TENM3: variants seen among roughly 807,000 people sequenced by gnomAD.
TENM3 encodes the protein teneurin-3.
Under a neutral mutation model 255.1 loss-of-function variants are expected in TENM3, and 63 were observed. The observed-to-expected ratio is 0.25, with a 90% CI of 0.20 to 0.30. TENM3 has a LOEUF of 0.30. TENM3 is among the 10% of genes least tolerant of loss of function. The pLI, the probability that TENM3 is intolerant of heterozygous loss-of-function variation, is 1.00. For missense variants in TENM3, 2,929 were observed against 3,461.1 expected (o/e 0.85, Z 3.86); for synonymous variants, 1,306 against 1,322.3 (o/e 0.99, Z 0.27).
rs115868803 is a variant in TENM3, at chr4:182,272,626, C to T, written c.-76+29150C>T. Among the ~76,000 whole-genome samples the T allele has an allele frequency of 8.9e-3, 1,358 of 152,306 alleles. 15 individuals are homozygous for T. The highest frequency in any genetic ancestry group is 0.029 in the African/African-American group (1,204 of 41,560). Reference sequence around the variant, plus strand: ...GGAAGTCCTTCATGCCAACACGACACTCAAGTAATGGTTACTAGTCATAAT... The same window carrying T: ...GGAAGTCCTTCATGCCAACACGACATTCAAGTAATGGTTACTAGTCATAAT... On this transcript the variant is annotated intron_variant, in intron 1 of 27. Coordinates refer to ENST00000511685, the MANE Select transcript of TENM3 (RefSeq NM_001080477.4).
chr4:181,549,359 A>T, the TENM3 span, among the ~76,000 whole-genome samples: 2 of 152,162 alleles, frequency 1.3e-5, no homozygotes, highest in Non-Finnish European at 2.9e-5. Context: ...ACATGCAATC[A>T]TGCCATTTTA....
the TENM3 span, among the ~76,000 whole-genome samples, chr4:181,487,956 A>G: frequency 6.6e-6 from 1 of 152,062 alleles, no homozygotes; most frequent in Non-Finnish European, 1.5e-5. Flanking sequence ...GGTAATAATG[A>G]CTCCTGAAAG....
At chr4:181,782,811 G>C in the TENM3 span, among the ~76,000 whole-genome samples, 1 of 152,082 alleles carries the variant, frequency 6.6e-6, no homozygotes, top group Non-Finnish European at 1.5e-5. Flanking sequence ...AGAGATTCTG[G>C]TGTGTTGTGT....
At chr4:181,688,065 A>C in the TENM3 span, among the ~76,000 whole-genome samples, 1 of 152,194 alleles carries the variant, frequency 6.6e-6, no homozygotes. Flanking sequence ...TTACTCACAG[A>C]AAGTGGAACA....
At chr4:182,242,481 C>T (rs1757345760), upstream of TENM3, among the ~76,000 whole-genome samples, 1 of 152,112 alleles carries the variant, frequency 6.6e-6, no homozygotes, top group Admixed American at 6.5e-5. Flanking sequence ...TTCTTGGTGG[C>T]CCAGCACGGT....
chr4:182,396,315 A>C (rs1017875232), intron 3 of TENM3, among the ~76,000 whole-genome samples: 1 of 152,238 alleles, frequency 6.6e-6, no homozygotes, highest in African/African-American at 2.4e-5. Context: ...CAGTATAAAA[A>C]AGAATGCAGG....
At chr4:182,109,130 C>A in the TENM3 span, among the ~76,000 whole-genome samples, 1 of 144,282 alleles carries the variant, frequency 6.9e-6, no homozygotes, top group African/African-American at 2.5e-5. Flanking sequence ...TTAGGTTGAT[C>A]CAGATGTTGT....
At chr4:182,228,378 G>GTATATATATATATA (rs1756332313) in intron 1 of TENM3, among the ~76,000 whole-genome samples, 3 of 93,430 alleles carry the variant, frequency 3.2e-5, no homozygotes, top group African/African-American at 1.4e-4. Flanking sequence ...GTGTGTGTGT[G>GTATATATATATATA]TGTGTGTGTG....
the TENM3 span, among the ~76,000 whole-genome samples, chr4:182,126,647 C>T: frequency 6.6e-5 from 10 of 152,186 alleles, no homozygotes; most frequent in African/African-American, 2.4e-4. Flanking sequence ...TGATCCTGCC[C>T]TATATGCACA....
At chr4:181,836,683 A>ACT in the TENM3 span, among the ~76,000 whole-genome samples, 1 of 152,170 alleles carries the variant, frequency 6.6e-6, no homozygotes, top group African/African-American at 2.4e-5. Flanking sequence ...CTTTAGCCTC[A>ACT]CTGATAAAGC....
chr4:181,795,919 G>A, the TENM3 span, among the ~76,000 whole-genome samples: 3 of 152,254 alleles, frequency 2.0e-5, no homozygotes, highest in East Asian at 5.8e-4. Flanking sequence ...GACTCCAATG[G>A]GCAAAGCACA....
chr4:181,919,911 G>C, the TENM3 span, among the ~76,000 whole-genome samples: 1 of 121,888 alleles, frequency 8.2e-6, no homozygotes, highest in Non-Finnish European at 1.6e-5. Flanking sequence ...AATCCCCGGA[G>C]TGTGATGTTC....
intron 3 of TENM3, among the ~76,000 whole-genome samples, chr4:182,357,970 A>G (rs1372848979): frequency 2.7e-5 from 4 of 150,194 alleles, no homozygotes; most frequent in East Asian, 3.9e-4. Context: ...TTTATTAAAT[A>G]GGGAATCCTT....
chr4:182,026,624 A>T, the TENM3 span, among the ~76,000 whole-genome samples: 1 of 152,024 alleles, frequency 6.6e-6, no homozygotes, highest in Non-Finnish European at 1.5e-5. Flanking sequence ...ATCCATTTTT[A>T]TTTGATTTTT....
chr4:181,579,842 A>C, the TENM3 span, among the ~76,000 whole-genome samples: 1 of 152,150 alleles, frequency 6.6e-6, no homozygotes, highest in Non-Finnish European at 1.5e-5. Flanking sequence ...CCTTCATAGT[A>C]AACCTACCCA....
At chr4:181,694,999 GATTA>G in the TENM3 span, among the ~76,000 whole-genome samples, 63,836 of 151,590 alleles carry the variant, frequency 0.42, 16,123 homozygotes, top group Non-Finnish European at 0.56. Context: ...GATTTTGTTG[GATTA>G]ATTTCATTTT....
At chr4:181,473,095 C>A in the TENM3 span, among the ~76,000 whole-genome samples, 2 of 151,634 alleles carry the variant, frequency 1.3e-5, no homozygotes, top group Non-Finnish European at 2.9e-5. Context: ...AACAATATTT[C>A]ATTAAACATT....
the TENM3 span, among the ~76,000 whole-genome samples, chr4:182,001,637 A>T: frequency 5.3e-5 from 8 of 152,266 alleles, no homozygotes; most frequent in South Asian, 6.2e-4. Context: ...TCTGAAAAAA[A>T]ATATATAATC....
At chr4:181,504,338 A>G in the TENM3 span, among the ~76,000 whole-genome samples, 16 of 151,826 alleles carry the variant, frequency 1.1e-4, no homozygotes, top group Admixed American at 9.8e-4. Context: ...TTTTCCCCCA[A>G]TCCTTTTTTT....
Sources: gnomAD v4.1 joint callset for allele counts (sites outside exome capture counted in the v4.1 genomes callset) on GRCh38, gnomAD v4.1.1 for gene constraint, MANE v1.5 for transcripts, NCBI Gene and HGNC (gene_info 2026-07-23, HGNC 2026-07-21) for gene names.